KDM5A: variants seen among roughly 807,000 people sequenced by gnomAD.
KDM5A encodes lysine-specific demethylase 5A.
Under a neutral mutation model 193.5 loss-of-function variants are expected in KDM5A, and 42 were observed. That is an observed-to-expected ratio of 0.22 (90% CI 0.17 to 0.28). The LOEUF is 0.28. Ranked by LOEUF, KDM5A falls within the 10% of genes least tolerant of loss-of-function variation. The pLI is 1.00. For synonymous variants in KDM5A, 796 were observed against 718.1 expected (o/e 1.11, Z -1.73); for missense variants, 1,692 against 2,055.1 (o/e 0.82, Z 3.42).
At chr12:297,612 G>C (rs1390379268) in intron 24 of KDM5A, among the ~76,000 whole-genome samples, 3 of 152,146 alleles carry the variant, frequency 2.0e-5, no homozygotes, top group Admixed American at 6.5e-5. Flanking sequence ...GCCCACTTAA[G>C]ATAAGGAAAT....
chr12:377,000 AGAG>A (rs1264633538), intron 3 of KDM5A, among the ~76,000 whole-genome samples: 1 of 151,008 alleles, frequency 6.6e-6, no homozygotes, highest in African/African-American at 2.4e-5. Context: ...GAAAGGCTTC[AGAG>A]GAGTCCCCTT....
chr12:350,166 G>C (rs1944136733), intron 10 of KDM5A, among the ~76,000 whole-genome samples: 1 of 151,838 alleles, frequency 6.6e-6, no homozygotes. Context: ...GCCAGGCACA[G>C]TGGCTCACGC....
intron 12 of KDM5A, among the ~76,000 whole-genome samples, chr12:332,161 A>G (rs987356067): frequency 6.6e-6 from 1 of 152,234 alleles, no homozygotes; most frequent in Non-Finnish European, 1.5e-5. Context: ...TTAGCAGCCA[A>G]AAGAAATTCT....
intron 10 of KDM5A, among the ~76,000 whole-genome samples, chr12:340,799 A>C (rs1943995237): frequency 6.6e-6 from 1 of 152,046 alleles, no homozygotes. Context: ...TAAAAGTAAT[A>C]TGTTACTCAA....
intron 3 of KDM5A, among the ~76,000 whole-genome samples, chr12:373,935 G>C (rs1591938513): frequency 1.3e-5 from 2 of 152,302 alleles, no homozygotes; most frequent in East Asian, 3.9e-4. Context: ...TTGCACTGTG[G>C]TCTGAGAGAC....
At chr12:342,512 T>G (rs1591921993) in intron 10 of KDM5A, among the ~76,000 whole-genome samples, 2 of 151,874 alleles carry the variant, frequency 1.3e-5, no homozygotes, top group Non-Finnish European at 2.9e-5. Context: ...CAGGCTGGAG[T>G]GCAGTGGCAT....
chr12:298,157 G>A (rs1275784793), intron 24 of KDM5A, among the ~76,000 whole-genome samples: 2 of 152,358 alleles, frequency 1.3e-5, no homozygotes, highest in East Asian at 3.9e-4. Flanking sequence ...CGGCTCTGAA[G>A]AGAGCAGCGG....
intron 1 of KDM5A, among the ~76,000 whole-genome samples, 169 bp downstream of exon 1, chr12:388,758 A>G (rs1415056960): frequency 1.3e-5 from 2 of 152,196 alleles, no homozygotes; most frequent in Admixed American, 6.5e-5. Context: ...AGACGTGTCT[A>G]CATAAGACCA....
chr12:345,930 AAGAC>A (rs202032082), intron 10 of KDM5A, among the ~76,000 whole-genome samples: 2,220 of 152,290 alleles, frequency 0.015, 49 homozygotes, highest in African/African-American at 0.05. Flanking sequence ...GCAGAACTGA[AAGAC>A]AGAGAGACAC....
intron 10 of KDM5A, among the ~76,000 whole-genome samples, chr12:344,354 C>A (rs537182787): frequency 6.6e-6 from 1 of 152,160 alleles, no homozygotes; most frequent in South Asian, 2.1e-4. Flanking sequence ...AGGATATTAT[C>A]CAGGAGAACT....
At chr12:372,529 A>C (rs1591937670) in intron 3 of KDM5A, among the ~76,000 whole-genome samples, 1 of 152,226 alleles carries the variant, frequency 6.6e-6, no homozygotes, top group East Asian at 1.9e-4. Flanking sequence ...CAGTCATGTC[A>C]TCTGCAAACA....
intron 12 of KDM5A, 58 bp downstream of exon 12, chr12:333,429 A>C: frequency 6.3e-7 from 1 of 1,598,836 alleles, no homozygotes; most frequent in Non-Finnish European, 8.6e-7. Context: ...AAAAAAAAAG[A>C]AAAAAGAAAA....
chr12:362,904 G>A (rs1349302586), intron 5 of KDM5A, 59 bp downstream of exon 5: 3 of 1,527,548 alleles, frequency 2.0e-6, no homozygotes, highest in Non-Finnish European at 2.7e-6. Flanking sequence ...GCTAGCCTGG[G>A]CAACATCAGG....
intron 24 of KDM5A, among the ~76,000 whole-genome samples, chr12:304,663 C>G (rs1366888363): frequency 6.6e-6 from 1 of 152,072 alleles, no homozygotes; most frequent in Non-Finnish European, 1.5e-5. Context: ...ACCAAAGAGA[C>G]AGTAAGCTAA....
chr12:302,110 CAG>C (rs1943449219), intron 24 of KDM5A, among the ~76,000 whole-genome samples: 1 of 152,098 alleles, frequency 6.6e-6, no homozygotes, highest in Admixed American at 6.6e-5. Context: ...AAGTAATTTA[CAG>C]ATTCAATGCT....
intron 1 of KDM5A, chr12:388,210 G>A (rs538283584): frequency 4.0e-5 from 18 of 447,284 alleles, no homozygotes; most frequent in African/African-American, 3.0e-4. Context: ...CTCCACACAA[G>A]GGATAGTATC....
intron 3 of KDM5A, among the ~76,000 whole-genome samples, chr12:381,166 G>T (rs908526408): frequency 2.0e-5 from 3 of 152,056 alleles, no homozygotes; most frequent in Non-Finnish European, 4.4e-5. Flanking sequence ...GGCTAATTTT[G>T]TATTTTTAGT....
Position 356,452 on chromosome 12 carries a change from A to C in KDM5A, c.758T>G (p.Met253Arg), listed in dbSNP as rs780179452. The C allele has an allele frequency of 1.2e-6, 2 of 1,610,430 alleles. No homozygotes were observed. Among genetic ancestry groups the C allele is most frequent in the Non-Finnish European group, 8.5e-7 (1 of 1,176,730 alleles). ...GAGPKVVGLA[M>R]GTKDKEDEVT... ...TTTACCTTCTTTATCTTTTGTTCCC[A>C]TTGCCAAGCCCACAACCTTGGGCCC... Residue 253 changes from methionine (M) to arginine (R), a missense_variant, in exon 6 of 28, where the codon ATG becomes AGG. Met to Arg is a moderately conservative substitution (Grantham distance 91). Around this residue, in one of 11 missense-constraint regions of KDM5A, gnomAD observed 134 missense variants for 124.2 expected, o/e 1.08. Coordinates refer to ENST00000399788, the MANE Select transcript of KDM5A (RefSeq NM_001042603.3).
intron 24 of KDM5A, among the ~76,000 whole-genome samples, chr12:301,923 T>C (rs1194410690): frequency 1.3e-5 from 2 of 152,178 alleles, no homozygotes; most frequent in Admixed American, 6.5e-5. Flanking sequence ...CCATTCACAA[T>C]TGCTACAAAA....
Sources: gnomAD v4.1 joint callset for allele counts (sites outside exome capture counted in the v4.1 genomes callset) on GRCh38, gnomAD v4.1.1 for gene constraint, gnomAD v4.1.1 regional missense constraint, MANE v1.5 for transcripts, NCBI Gene and HGNC (gene_info 2026-07-23, HGNC 2026-07-21) for gene names.